PTGS1: variants seen among roughly 807,000 people sequenced by gnomAD.
The protein encoded by PTGS1 is prostaglandin G/H synthase 1.
In PTGS1, 40 loss-of-function variants were observed where a neutral mutation model predicts 63.0. The ratio of observed to expected loss-of-function variants is 0.63; its 90% CI spans 0.49 to 0.83. The LOEUF (loss-of-function observed/expected upper bound fraction) is 0.83. PTGS1 is among the 40% of genes least tolerant of loss of function. PTGS1 has a pLI of 0.00. For missense variants in PTGS1, 709 were observed against 786.5 expected, an observed-to-expected ratio of 0.90 and a Z score of 1.18; for synonymous variants, 298 against 301.9, an observed-to-expected ratio of 0.99 and a Z score of 0.13.
rs1837899491 is a variant in PTGS1 at position 122,386,733 on chromosome 9, G to A, written c.1296+1G>A. On this transcript the variant is annotated splice_donor_variant, in intron 9 of 10. Coordinates refer to ENST00000362012, the MANE Select transcript of PTGS1 (RefSeq NM_000962.4). LOFTEE classifies it high-confidence loss of function. ...CTTCTCTCGCCAGATTGCTGGCCGG[G>A]TAAGCCCCAGAGGAGTGCTGGTGAG... 3 of 1,613,804 alleles carry A rather than the reference G, an allele frequency of 1.9e-6. No homozygotes were observed. The highest frequency in any genetic ancestry group is 1.7e-5 in the Admixed American group (1 of 59,998).
Position 122,390,180 on chromosome 9 carries a change from G to A in PTGS1, c.1297-18G>A, listed in dbSNP as rs201968170. The A allele has an allele frequency of 1.9e-6, 3 of 1,611,928 alleles. No homozygotes were observed. The highest frequency in any genetic ancestry group is 1.3e-5 in the African/African-American group (1 of 74,996). ...CTGGCCTGGCTCCCAGACCACTGCTGTGCTTCTCTCTCGGCAGATCGGTGG... is the reference window on the plus strand; with the variant it reads ...CTGGCCTGGCTCCCAGACCACTGCTATGCTTCTCTCTCGGCAGATCGGTGG... On this transcript the variant is annotated intron_variant, in intron 9 of 10. Transcript: ENST00000362012.
intron 9 of PTGS1, among the ~76,000 whole-genome samples, chr9:122,387,271 G>A (rs1278685775): frequency 3.3e-5 from 5 of 151,946 alleles, no homozygotes; most frequent in Admixed American, 6.6e-5. Flanking sequence ...TAGAGAGGAC[G>A]GCATGGGTGA....
chr9:122,379,012 A>G (rs528149363), intron 5 of PTGS1, 94 bp downstream of exon 5: 3 of 1,493,072 alleles, frequency 2.0e-6, no homozygotes, highest in Non-Finnish European at 2.7e-6. Context: ...TATTGACCCA[A>G]TTCTGCAGAT....
chr9:122,384,745 G>C (rs570810794), intron 8 of PTGS1, among the ~76,000 whole-genome samples: 2 of 152,222 alleles, frequency 1.3e-5, no homozygotes, highest in African/African-American at 4.8e-5. Context: ...ATCACAAAGG[G>C]GGCTCTTCTT....
At chr9:122,377,787 C>T (rs541976122) in intron 2 of PTGS1, 112 bp from the exon 3 acceptor site, 34 of 919,114 alleles carry the variant, frequency 3.7e-5, no homozygotes, top group Middle Eastern at 2.2e-4. Context: ...TGATTCAGGA[C>T]GGAGCTGCGA....
chr9:122,391,352 T>TAC (rs1838231728), intron 10 of PTGS1, among the ~76,000 whole-genome samples: 3 of 87,152 alleles, frequency 3.4e-5, no homozygotes, highest in Non-Finnish European at 5.8e-5. Flanking sequence ...ATATACTATA[T>TAC]ATATACATAT....
chr9:122,378,542 C>A lies in PTGS1; in HGVS notation c.321C>A (p.Ile107=). The change falls in exon 4 of 11, where the codon ATC becomes ATA. Residue 107 remains isoleucine, a synonymous_variant. Transcript: ENST00000362012. Reference sequence around the variant, plus strand: ...GGGAGTTTGTCAATGCCACCTTCATCCGAGAGATGCTCATGCGCCTGGTAC... The same window carrying A: ...GGGAGTTTGTCAATGCCACCTTCATACGAGAGATGCTCATGCGCCTGGTAC... ...WFWEFVNATF[I]REMLMRLVLT... is the part of the protein sequence containing the mutation. 1 of 1,614,242 alleles carries A rather than the reference C, an allele frequency of 6.2e-7. No individual in the cohort carries two copies. The highest frequency in any genetic ancestry group is 8.5e-7 in the Non-Finnish European group (1 of 1,180,046).
intron 9 of PTGS1, among the ~76,000 whole-genome samples, chr9:122,389,971 C>G (rs754056469): frequency 2.6e-5 from 4 of 151,672 alleles, no homozygotes; most frequent in African/African-American, 7.3e-5. Flanking sequence ...AAAAAAAAAC[C>G]CACAAAAAAA....
intron 9 of PTGS1, among the ~76,000 whole-genome samples, 181 bp downstream of exon 9, chr9:122,386,913 C>T (rs1283130536): frequency 6.6e-6 from 1 of 152,050 alleles, no homozygotes; most frequent in Non-Finnish European, 1.5e-5. Flanking sequence ...GACATTACTC[C>T]AGGTACTGGA....
intron 9 of PTGS1, among the ~76,000 whole-genome samples, chr9:122,387,542 C>T (rs1229438905): frequency 2.6e-5 from 4 of 152,070 alleles, no homozygotes; most frequent in South Asian, 2.1e-4. Flanking sequence ...TCCAGTGTGA[C>T]TTATAAGAAG....
At position 122,392,317 on chromosome 9, in the gene PTGS1, G is replaced by A; in HGVS notation, c.1573G>A (p.Gly525Arg). The change falls in exon 11 of 11, where the codon GGG becomes AGG. Residue 525 changes from glycine (G) to arginine (R), a missense_variant. By Grantham distance (125) the Gly-to-Arg change is moderately radical (BLOSUM62 -2). Transcript: ENST00000362012. ...CTTTGGGGAGAGTATGATAGAGATT[G>A]GGGCTCCCTTTTCCCTCAAGGGTCT... ...SIFGESMIEI[G>R]APFSLKGLLG... The A allele has an allele frequency of 6.2e-7, 1 of 1,614,162 alleles. No individual in the cohort carries two copies. Among genetic ancestry groups the A allele is most frequent in the Non-Finnish European group, 8.5e-7 (1 of 1,180,022 alleles).
At chr9:122,379,440 C>T (rs1837382494) in intron 5 of PTGS1, among the ~76,000 whole-genome samples, 1 of 152,126 alleles carries the variant, frequency 6.6e-6, no homozygotes, top group African/African-American at 2.4e-5. Flanking sequence ...CATTTCAGAC[C>T]CATCAGTTCA....
intron 8 of PTGS1, among the ~76,000 whole-genome samples, chr9:122,384,980 T>C (rs1447560812): frequency 6.6e-6 from 1 of 152,180 alleles, no homozygotes; most frequent in Non-Finnish European, 1.5e-5. Context: ...TTATTTGAGA[T>C]GGAGTCTTGT....
At chr9:122,372,694 G>T (rs1429286876) in intron 2 of PTGS1, 1 of 152,214 alleles carries the variant, frequency 6.6e-6, no homozygotes, top group African/African-American at 2.4e-5. Flanking sequence ...AGGCACTCTT[G>T]GTATACAGGT....
chr9:122,375,750 C>T lies in PTGS1; in HGVS notation c.95-2149C>T, dbSNP rs190919310. 5.9e-5 allele frequency among the ~76,000 whole-genome samples: 9 copies of T among 152,216 alleles called. No homozygotes were observed. The East Asian group carries it at 1.7e-3, about 29-fold the overall frequency. The stretch of plus-strand genomic sequence containing the variant: ...ATTTGGAGGAAATGTATTAAGGAGG[C>T]TAACAGCCTGGATGAAGGATGGAGA... On this transcript the variant is annotated intron_variant, in intron 2 of 10. Coordinates refer to ENST00000362012, the MANE Select transcript of PTGS1 (RefSeq NM_000962.4).
At chr9:122,379,465 G>C (rs908965826) in intron 5 of PTGS1, among the ~76,000 whole-genome samples, 3 of 152,204 alleles carry the variant, frequency 2.0e-5, no homozygotes, top group African/African-American at 4.8e-5. Context: ...CAAGTACAGA[G>C]AGGACAAGAG....
At position 122,385,955 on chromosome 9, in the gene PTGS1, T is replaced by C. The variant is rs141654052; in HGVS notation, c.1010-491T>C. On this transcript the variant is annotated intron_variant, in intron 8 of 10. Coordinates refer to ENST00000362012, the MANE Select transcript of PTGS1 (RefSeq NM_000962.4). ...ATAGACCAAAAGTTCTATTTTCACA[T>C]CCTGTTACAAAGAGACAAAATGGAA... 3.6e-3 allele frequency among the ~76,000 whole-genome samples: 542 copies of C among 152,170 alleles called. 5 individuals carry two copies. Among genetic ancestry groups the C allele is most frequent in the Non-Finnish European group, 4.1e-3 (280 of 68,010 alleles).
rs117478100 is a variant in PTGS1, at chr9:122,373,683, G to T, written c.94+2411G>T. Among the ~76,000 whole-genome samples the T allele has an allele frequency of 5.3e-3, 807 of 152,316 alleles. 5 individuals carry two copies. The highest frequency in any genetic ancestry group is 0.014 in the Middle Eastern group (4 of 294). ...GGGGCAAGATGCCAGCTGTGCCAAG[G>T]CTGCCCGGGTGCCTGCACCTGCTCT... On this transcript the variant is annotated intron_variant, in intron 2 of 10. Coordinates refer to ENST00000362012, the MANE Select transcript of PTGS1 (RefSeq NM_000962.4).
In PTGS1 at chr9:122,392,201, T is replaced by C. The variant is rs1247480517; in HGVS notation, c.1457T>C (p.Met486Thr). 3.1e-6 allele frequency: 5 copies of C among 1,588,352 alleles called. No homozygotes were observed. In the African/African-American group the frequency reaches 4.0e-5, roughly 13 times the overall value. The change falls in exon 11 of 11, where the codon ATG becomes ACG. Residue 486 changes from methionine (M) to threonine (T), a missense_variant. Met to Thr is a moderately conservative substitution (Grantham distance 81). Coordinates refer to ENST00000362012, the MANE Select transcript of PTGS1 (RefSeq NM_000962.4). ...SFQELVGEKE[M>T]AAELEELYGD... ...TATCTCCTTGTAGGAGAGAAGGAGA[T>C]GGCAGCAGAGTTGGAGGAATTGTAT...
Sources: gnomAD v4.1 joint callset for allele counts (sites outside exome capture counted in the v4.1 genomes callset) on GRCh38, gnomAD v4.1.1 for gene constraint, MANE v1.5 for transcripts, NCBI Gene and HGNC (gene_info 2026-07-23, HGNC 2026-07-21) for gene names.